G6PD: variants seen among roughly 807,000 people sequenced by gnomAD.
G6PD encodes glucose-6-phosphate 1-dehydrogenase.
In G6PD, 2 loss-of-function variants were observed where a neutral mutation model predicts 38.2. That is an observed-to-expected ratio of 0.05 (90% confidence interval 0.02 to 0.16). The LOEUF (loss-of-function observed/expected upper bound fraction) is 0.16, where lower values mean the gene tolerates loss of function less well. G6PD is among the 10% of genes least tolerant of loss of function. The pLI is 1.00. For missense variants in G6PD, 310 were observed against 471.6 expected (o/e 0.66, Z 3.17); for synonymous variants, 188 against 196.0 (o/e 0.96, Z 0.34).
chrX:154,537,684 C>A (rs1226144733), intron 2 of G6PD, among the ~76,000 whole-genome samples: 1 of 112,487 alleles, frequency 8.9e-6, no homozygotes, highest in Non-Finnish European at 1.9e-5. Flanking sequence ...ACAGAAACAA[C>A]CCCCTGGCAT....
chrX:154,542,284 G>A, intron 2 of G6PD: 1 of 1,154,988 alleles, frequency 8.7e-7, no homozygotes, highest in Non-Finnish European at 1.2e-6. Context: ...TGATCCAGGT[G>A]GGGAAACTAA....
At position 154,532,421 on chromosome X, in the gene G6PD, G is replaced by A. The variant is rs138919671; in HGVS notation, c.1329C>T (p.Asp443=). 1.3e-5 allele frequency: 16 copies of A among 1,210,457 alleles called. No individual in the cohort carries two copies. Among genetic ancestry groups the A allele is most frequent in the African/African-American group, 1.2e-4 (7 of 57,493 alleles). ...LPDAYERLIL[D]VFCGSQMHFV... ...AGTGCATCTGGCTCCCGCAGAAGAC[G>A]TCCAGGATGAGGCGCTCATAGGCGT... The change falls in exon 11 of 13, where the codon GAC becomes GAT. Residue 443 remains aspartate (D), a synonymous_variant. Coordinates refer to ENST00000393562, the MANE Select transcript of G6PD (RefSeq NM_001360016.2).
intron 8 of G6PD, 102 bp downstream of exon 8, chrX:154,533,474 G>A (rs1212664625): frequency 9.6e-7 from 1 of 1,044,320 alleles, no homozygotes; most frequent in African/African-American, 1.8e-5. Flanking sequence ...GACTTCTCCG[G>A]GGTTGAGGAC....
Position 154,533,811 on chromosome X carries a change from A to C in G6PD, c.771-142T>G, listed in dbSNP as rs782476786. On this transcript the variant is annotated intron_variant, in intron 7 of 12. Transcript: ENST00000393562. ...TCCCCCTTGTCTTCCAGGTCCCCTTAAATCAAGGAAGGACATGGTGATGCT... is the reference window on the plus strand; with the variant it reads ...TCCCCCTTGTCTTCCAGGTCCCCTTCAATCAAGGAAGGACATGGTGATGCT... The C allele has an allele frequency of 1.3e-5, 15 of 1,179,038 alleles. No homozygotes were observed. In the Middle Eastern group the frequency reaches 1.4e-3, roughly 109 times the overall value.
At chrX:154,537,971 G>C (rs1413433820) in intron 2 of G6PD, among the ~76,000 whole-genome samples, 1 of 106,503 alleles carries the variant, frequency 9.4e-6, no homozygotes, top group African/African-American at 3.4e-5. Flanking sequence ...GTGGGAGGAA[G>C]ATTGCTTGAA....
chrX:154,532,128 T>G (rs2070344072), intron 12 of G6PD, 38 bp from the exon 13 acceptor site: 2 of 1,198,411 alleles, frequency 1.7e-6, no homozygotes, highest in South Asian at 3.6e-5. Context: ...ATGAGGTAGC[T>G]CCACCCTCAC....
At chrX:154,542,065 C>T (rs1315747666) in intron 2 of G6PD, among the ~76,000 whole-genome samples, 2 of 112,402 alleles carry the variant, frequency 1.8e-5, no homozygotes, top group African/African-American at 6.5e-5. Flanking sequence ...AACAAAAGGG[C>T]CTCCCTGCTA....
chrX:154,545,593 G>A (rs782413302), intron 2 of G6PD, among the ~76,000 whole-genome samples: 8 of 111,556 alleles, frequency 7.2e-5, no homozygotes, highest in African/African-American at 2.6e-4. Context: ...CCAGCACTTT[G>A]GGAGGCCGAG....
intron 2 of G6PD, among the ~76,000 whole-genome samples, chrX:154,540,815 T>C (rs1369368298): frequency 1.8e-5 from 2 of 111,111 alleles, no homozygotes; most frequent in Non-Finnish European, 3.8e-5. Context: ...ACTGCTATGG[T>C]GTGGGTGCCT....
rs376714443 is a variant in G6PD, at chrX:154,532,818, G to T, written c.1052-16C>A. The T allele has an allele frequency of 4.1e-5, 50 of 1,205,085 alleles. No homozygotes were observed. Among genetic ancestry groups the T allele is most frequent in the Non-Finnish European group, 5.4e-5 (48 of 891,634 alleles). On this transcript the variant is annotated splice_polypyrimidine_tract_variant and intron_variant, in intron 9 of 12. Coordinates refer to ENST00000393562, the MANE Select transcript of G6PD (RefSeq NM_001360016.2). The stretch of plus-strand genomic sequence containing the variant: ...AAGGGCACCCCTACGTGGCGGAAAG[G>T]GCAGCCTCAGCACCAGCTCTCTCAG...
At chrX:154,545,336 C>T (rs1047313364) in intron 2 of G6PD, among the ~76,000 whole-genome samples, 1 of 112,038 alleles carries the variant, frequency 8.9e-6, no homozygotes, top group African/African-American at 3.2e-5. Context: ...TTTGTATCGA[C>T]GGAACTTGAA....
intron 2 of G6PD, among the ~76,000 whole-genome samples, chrX:154,539,616 C>A (rs1557231401): frequency 7.2e-5 from 8 of 111,195 alleles, no homozygotes. Context: ...TTCCTGGGTG[C>A]AGAGCATATT....
Position 154,535,414 on chromosome X carries a change from G to A in G6PD, c.268-29C>T, listed in dbSNP as rs375125942. The A allele has an allele frequency of 1.8e-5, 21 of 1,149,472 alleles. No individual in the cohort carries two copies. In the East Asian group the frequency reaches 6.1e-4, roughly 33 times the overall value. The allele number at this position is 1,149,472 out of a possible 1,213,427, so 94.7% of individuals were successfully genotyped here. ...GGAGACACGGACAGACAGACACACA[G>A]ACAGATGTCAGCCCCTCTCTTTGAG... On this transcript the variant is annotated intron_variant, in intron 4 of 12. Transcript: ENST00000393562.
At chrX:154,540,720 C>G (rs2070483224) in intron 2 of G6PD, among the ~76,000 whole-genome samples, 1 of 109,442 alleles carries the variant, frequency 9.1e-6, no homozygotes. Flanking sequence ...CAAACCATTA[C>G]AGAATGGGGG....
Position 154,533,466 on chromosome X carries a change from C to T in G6PD, c.864+110G>A. 3.0e-6 allele frequency: 3 copies of T among 1,005,312 alleles called. No homozygotes were observed. In the South Asian group the frequency reaches 6.6e-5, roughly 22 times the overall value. 82.8% of individuals were successfully genotyped at this position (1,005,312 alleles called of 1,213,427 possible). ...GCCACGCTGTGCTCAGAGGTGGTGA[C>T]TTCTCCGGGGTTGAGGACACCTGCT... On this transcript the variant is annotated intron_variant, in intron 8 of 12. Coordinates refer to ENST00000393562, the MANE Select transcript of G6PD (RefSeq NM_001360016.2).
intron 2 of G6PD, among the ~76,000 whole-genome samples, chrX:154,538,114 C>T (rs957710869): frequency 2.7e-5 from 3 of 110,155 alleles, no homozygotes; most frequent in Non-Finnish European, 1.9e-5. Flanking sequence ...CCACCTCAGC[C>T]TCTGGAGTAG....
At position 154,546,809 on chromosome X, in the gene G6PD, C is replaced by T; in HGVS notation, c.-29G>A. ...GTTACCTGCGCTTCGTCGTCGTCGC[C>T]CTCCGCGCTCGCAGCCCCGAAGTGT... On this transcript the variant is annotated 5_prime_UTR_variant, in exon 1 of 13. Coordinates refer to ENST00000393562, the MANE Select transcript of G6PD (RefSeq NM_001360016.2). 1 of 1,163,173 alleles carries T rather than the reference C, an allele frequency of 8.6e-7. No individual in the cohort carries two copies. The highest frequency in any genetic ancestry group is 1.1e-6 in the Non-Finnish European group (1 of 873,466).
chrX:154,535,821 G>A (rs2070401315), intron 4 of G6PD, 116 bp downstream of exon 4: 4 of 595,960 alleles, frequency 6.7e-6, no homozygotes, highest in Admixed American at 2.6e-5. Flanking sequence ...GCGGGGCGGG[G>A]CAGGAGAGGA....
intron 2 of G6PD, among the ~76,000 whole-genome samples, chrX:154,536,570 C>T (rs2070410941): frequency 8.9e-6 from 1 of 112,466 alleles, no homozygotes; most frequent in African/African-American, 3.2e-5. Flanking sequence ...TGCGGTGGCT[C>T]ACACCTGTAA....
Sources: allele counts gnomAD v4.1 joint callset (sites outside exome capture counted in the v4.1 genomes callset), GRCh38; gene constraint gnomAD v4.1.1; transcripts MANE v1.5; gene names NCBI Gene and HGNC (gene_info 2026-07-23, HGNC 2026-07-21).